The following RSBN1 variants were observed in gnomAD, a reference collection of about 807,000 sequenced individuals.
RSBN1 encodes round spermatid basic protein 1, also known as lysine-specific demethylase 9.
RSBN1 carries 23 observed loss-of-function variants against 74.8 expected under a neutral mutation model. That is an observed-to-expected ratio of 0.31 (90% CI 0.22 to 0.44). RSBN1 has a LOEUF of 0.44. Ranked by LOEUF, RSBN1 falls within the 20% of genes least tolerant of loss-of-function variation. The pLI is 1.00. For synonymous variants in RSBN1, 407 were observed against 379.6 expected (o/e 1.07, Z -0.84); for missense variants, 808 against 1,020.9 (o/e 0.79, Z 2.84).
chr1:113,809,325 G>A (rs144040834), intron 1 of RSBN1, among the ~76,000 whole-genome samples: 1 of 152,306 alleles, frequency 6.6e-6, no homozygotes, highest in Non-Finnish European at 1.5e-5. Context: ...GAAAAGTGCA[G>A]TTGAGAGAGG....
chr1:113,810,195 G>A (rs1163641222), intron 1 of RSBN1, among the ~76,000 whole-genome samples: 2 of 152,188 alleles, frequency 1.3e-5, no homozygotes, highest in Admixed American at 6.5e-5. Flanking sequence ...GGATTCAGGA[G>A]CCTGGGTTCT....
In RSBN1 at chr1:113,761,953, C is replaced by T. The variant is rs550250345; in HGVS notation, c.*4027G>A. 3.3e-5 allele frequency: 5 copies of T among 152,288 alleles called. No individual in the cohort carries two copies. Among genetic ancestry groups the T allele is most frequent in the Admixed American group, 1.3e-4 (2 of 15,244 alleles). 9.4% of individuals were successfully genotyped at this position (152,288 alleles called of 1,614,324 possible). A position where few individuals can be genotyped will look rare whatever the true frequency, so the allele number is the denominator to read the frequency against. On this transcript the variant is annotated 3_prime_UTR_variant, in exon 7 of 7. Transcript: ENST00000261441. ...ACAATTTAACACACTTAGACAGCTA[C>T]AAAAAAGCACTGTGTTAAAAGGATT...
intron 4 of RSBN1, among the ~76,000 whole-genome samples, chr1:113,771,553 C>T (rs1659884822): frequency 6.8e-6 from 1 of 147,038 alleles, no homozygotes; most frequent in Non-Finnish European, 1.5e-5. Flanking sequence ...TTCTAAAAGG[C>T]ATGAGGATAT....
In RSBN1 at chr1:113,765,874, T is replaced by C. The variant is rs1659769010; in HGVS notation, c.*106A>G. On this transcript the variant is annotated 3_prime_UTR_variant, in exon 7 of 7. Transcript: ENST00000261441. The stretch of plus-strand genomic sequence containing the variant: ...TGGAATGTCATTTCTCTTTATAGAA[T>C]TATAGGCAAGATTTCTCCAATAAAA... The C allele has an allele frequency of 2.6e-6, 2 of 773,738 alleles. No individual in the cohort carries two copies. Among genetic ancestry groups the C allele is most frequent in the African/African-American group, 1.8e-5 (1 of 56,980 alleles). 47.9% of individuals were successfully genotyped at this position (773,738 alleles called of 1,614,324 possible).
chr1:113,809,180 T>C (rs1003865301), intron 1 of RSBN1, among the ~76,000 whole-genome samples: 2 of 152,174 alleles, frequency 1.3e-5, no homozygotes, highest in Admixed American at 1.3e-4. Flanking sequence ...CCATGCATAA[T>C]AAAATAATAA....
Position 113,797,813 on chromosome 1 carries a change from G to A in RSBN1, c.927C>T (p.Phe309=), listed in dbSNP as rs1398044340. The A allele has an allele frequency of 6.2e-7, 1 of 1,614,082 alleles. No homozygotes were observed. The highest frequency in any genetic ancestry group is 2.2e-5 in the East Asian group (1 of 44,886). ...ACAGCTGTTCATCTTTCAGATACCT[G>A]AAGGACTCCTTATTAAGTCCTGAAG... ...NSTSGLNKES[F]RYLKDEQLCR... is the part of the protein sequence containing the mutation. The change falls in exon 2 of 7, where the codon TTC becomes TTT. Residue 309 remains phenylalanine, a synonymous_variant. Transcript: ENST00000261441.
rs1253222754 is a variant in RSBN1 at position 113,766,076 on chromosome 1, A to T, written c.2313T>A (p.Asp771Glu). Residue 771 changes from aspartate (D) to glutamate (E), a missense_variant, in exon 7 of 7, where the codon GAT becomes GAA. Physicochemically the swap from Asp to Glu is conservative, Grantham distance 45 (BLOSUM62 2). Coordinates refer to ENST00000261441, the MANE Select transcript of RSBN1 (RefSeq NM_018364.5). ...AAACTGGAATAGGCTGAGTCTTCTG[A>T]TCTTGCTGTAGATTAAGTTCTGATG... ...PPASELNLQQ[D>E]QKTQPIPVLK... The T allele has an allele frequency of 6.2e-7, 1 of 1,613,980 alleles. No homozygotes were observed. The highest frequency in any genetic ancestry group is 8.5e-7 in the Non-Finnish European group (1 of 1,179,974).
chr1:113,807,311 C>A, intron 1 of RSBN1, among the ~76,000 whole-genome samples: 1 of 138,064 alleles, frequency 7.2e-6, no homozygotes. Context: ...GAGAATCCAT[C>A]TCAAAAAAAA....
At chr1:113,796,810 A>C (rs1660480533) in intron 2 of RSBN1, among the ~76,000 whole-genome samples, 1 of 152,240 alleles carries the variant, frequency 6.6e-6, no homozygotes, top group South Asian at 2.1e-4. Flanking sequence ...CTGCCCATGC[A>C]AGGCTTCAAA....
rs1659782010 is a variant in RSBN1, at chr1:113,766,396, A to G, written c.1993T>C (p.Tyr665His). The G allele has an allele frequency of 6.2e-7, 1 of 1,613,914 alleles. No homozygotes were observed. The highest frequency in any genetic ancestry group is 1.3e-5 in the African/African-American group (1 of 74,916). ...TTGTCGCAAAGCTGAATTCTAGCAT[A>G]ACGAATGCCTTCCCGCCTCATTTGG... ...LNQMRREGIR[Y>H]ARIQLCDNDI... Residue 665 changes from tyrosine (Y) to histidine (H), a missense_variant, in exon 7 of 7, where the codon TAT becomes CAT. Physicochemically the swap from Tyr to His is moderately conservative, Grantham distance 83 (BLOSUM62 2). Coordinates refer to ENST00000261441, the MANE Select transcript of RSBN1 (RefSeq NM_018364.5).
chr1:113,780,764 C>G (rs1571299605), intron 2 of RSBN1, among the ~76,000 whole-genome samples: 1 of 152,176 alleles, frequency 6.6e-6, no homozygotes, highest in Non-Finnish European at 1.5e-5. Context: ...GCAGAAGAGC[C>G]ATCAAGTAAA....
At chr1:113,796,187 T>G (rs1660468561) in intron 2 of RSBN1, 2 of 152,196 alleles carry the variant, frequency 1.3e-5, no homozygotes, top group African/African-American at 4.8e-5. Flanking sequence ...CTTCGGTACC[T>G]GGTTGTGGTA....
intron 2 of RSBN1, among the ~76,000 whole-genome samples, chr1:113,789,003 T>C (rs1306326638): frequency 6.6e-6 from 1 of 152,202 alleles, no homozygotes; most frequent in Admixed American, 6.5e-5. Flanking sequence ...GTGCAATATG[T>C]ATCTGGTCTT....
intron 1 of RSBN1, among the ~76,000 whole-genome samples, chr1:113,808,394 A>C (rs1013368274): frequency 6.6e-6 from 1 of 152,248 alleles, no homozygotes; most frequent in African/African-American, 2.4e-5. Context: ...CAGTACAGAC[A>C]ATGTTTTTTT....
At position 113,766,041 on chromosome 1, in the gene RSBN1, TCCA is replaced by T. The variant is rs777451161; in HGVS notation, c.2345_2347del (p.Val782del). ...TTGCTGGTCAGAGTCCAGTCTACTT[TCCA>T]CTTTTAAAACTGGAATAGGCTGAGT... On this transcript the variant is annotated inframe_deletion, in exon 7 of 7. Coordinates refer to ENST00000261441, the MANE Select transcript of RSBN1 (RefSeq NM_018364.5). 1 of 1,613,982 alleles carries T rather than the reference TCCA, an allele frequency of 6.2e-7. No homozygotes were observed. The highest frequency in any genetic ancestry group is 1.3e-5 in the African/African-American group (1 of 74,942).
At chr1:113,785,893 C>T (rs1660233636) in intron 2 of RSBN1, among the ~76,000 whole-genome samples, 1 of 152,070 alleles carries the variant, frequency 6.6e-6, no homozygotes, top group South Asian at 2.1e-4. Context: ...TTATGGAGAG[C>T]CTAGAAGATC....
At position 113,763,213 on chromosome 1, in the gene RSBN1, AAGTT is replaced by A; in HGVS notation, c.*2763_*2766del. On this transcript the variant is annotated 3_prime_UTR_variant, in exon 7 of 7. Transcript: ENST00000261441. ...TACCATGAAATTATTCTACTTTACT[AAGTT>A]AGGAATATTCATTTATTGGGTCCTT... is the stretch of plus-strand genomic sequence containing the variant. 6.5e-6 allele frequency: 1 copy of A among 152,880 alleles called. No homozygotes were observed. The allele number at this position is 152,880 out of a possible 1,614,324, so 9.5% of individuals were successfully genotyped here.
intron 2 of RSBN1, among the ~76,000 whole-genome samples, chr1:113,794,983 A>T (rs899040890): frequency 2.6e-5 from 4 of 152,240 alleles, no homozygotes; most frequent in Admixed American, 6.5e-5. Flanking sequence ...AATTTATTTG[A>T]CTTTATTTCT....
At chr1:113,808,865 G>A (rs1307351228) in intron 1 of RSBN1, among the ~76,000 whole-genome samples, 1 of 152,166 alleles carries the variant, frequency 6.6e-6, no homozygotes, top group Non-Finnish European at 1.5e-5. Context: ...TATCTTGATT[G>A]TAGTGGTGGT....
Sources: gnomAD v4.1 joint callset for allele counts (sites outside exome capture counted in the v4.1 genomes callset) on GRCh38, gnomAD v4.1.1 for gene constraint, MANE v1.5 for transcripts, NCBI Gene and HGNC (gene_info 2026-07-23, HGNC 2026-07-21) for gene names.